The following TRIM68 variants were observed in gnomAD, a reference collection of about 807,000 sequenced individuals.
The protein encoded by TRIM68 is E3 ubiquitin-protein ligase TRIM68.
Under a neutral mutation model 41.9 loss-of-function variants are expected in TRIM68, and 36 were observed. The observed-to-expected ratio is 0.86, with a 90% CI of 0.66 to 1.14. The LOEUF (loss-of-function observed/expected upper bound fraction) is 1.14. Ranked by LOEUF, TRIM68 falls within the 50% of genes most tolerant of loss-of-function variation. The probability of loss-of-function intolerance (pLI) is 0.00; values close to 1 mark genes in which losing one functional copy is unlikely to be tolerated. For synonymous variants in TRIM68, 225 were observed against 224.6 expected (o/e 1.00, Z -0.02); for missense variants, 632 against 605.1 (o/e 1.04, Z -0.47).
rs969820493 is a variant in TRIM68, at chr11:4,601,460, A to G, written c.806+204T>C. ...ACCACATATTTTACAGCTTCACTTG[A>G]TATACATTTGATCAAGTACAAAGAA... On this transcript the variant is annotated intron_variant, in intron 5 of 6. Transcript: ENST00000300747. 9.8e-6 allele frequency: 6 copies of G among 609,470 alleles called. No individual in the cohort carries two copies. The African/African-American group carries it at 1.1e-4, about 11-fold the overall frequency. The allele number at this position is 609,470 out of a possible 1,614,324, so 37.8% of individuals were successfully genotyped here.
At chr11:4,602,466 G>A (rs1846508889) in intron 3 of TRIM68, 54 bp from the exon 4 acceptor site, 1 of 1,598,394 alleles carries the variant, frequency 6.3e-7, no homozygotes. Flanking sequence ...CCAGTATCGA[G>A]CATACTGACA....
Position 4,600,357 on chromosome 11 carries a change from C to T in TRIM68, c.1377G>A (p.Leu459=). ...FPRYPFPGRL[L]PYFSPCYSIG... is the part of the protein sequence containing the mutation. ...TGCTGTAGCAAGGACTAAAATAGGG[C>T]AGGAGGCGCCCAGGGAAGGGATAGC... Residue 459 remains leucine (L), a synonymous_variant, in exon 7 of 7, where the codon CTG becomes CTA. Transcript: ENST00000300747. 6.2e-7 allele frequency: 1 copy of T among 1,613,558 alleles called. No individual in the cohort carries two copies. The highest frequency in any genetic ancestry group is 8.5e-7 in the Non-Finnish European group (1 of 1,179,780).
intron 2 of TRIM68, 41 bp from the exon 3 acceptor site, chr11:4,603,381 C>T: frequency 6.3e-7 from 1 of 1,593,834 alleles, no homozygotes; most frequent in Non-Finnish European, 8.6e-7. Flanking sequence ...CTCCGGCAGC[C>T]TAGGCTTCCT....
chr11:4,607,367 C>A (rs1367822718), intron 1 of TRIM68, among the ~76,000 whole-genome samples: 1 of 152,070 alleles, frequency 6.6e-6, no homozygotes, highest in African/African-American at 2.4e-5. Flanking sequence ...GAGTTCCAAC[C>A]GATAGTAGAT....
intron 3 of TRIM68, among the ~76,000 whole-genome samples, chr11:4,603,041 C>A (rs1846516551): frequency 6.6e-6 from 1 of 152,140 alleles, no homozygotes; most frequent in Non-Finnish European, 1.5e-5. Flanking sequence ...AGAGGTTATC[C>A]CTACATCCCC....
At position 4,600,075 on chromosome 11, in the gene TRIM68, T is replaced by C. The variant is rs901116337; in HGVS notation, c.*201A>G. The C allele has an allele frequency of 9.2e-6, 5 of 542,674 alleles. No homozygotes were observed. Among genetic ancestry groups the C allele is most frequent in the Non-Finnish European group, 1.3e-5 (4 of 314,846 alleles). The allele number at this position is 542,674 out of a possible 1,614,324, so 33.6% of individuals were successfully genotyped here. A position where few individuals can be genotyped will look rare whatever the true frequency, so the allele number is the denominator to read the frequency against. Reference sequence around the variant, plus strand: ...TTCCCTCATGGGATGCAATGCTCATTTGACTGGGCCTCTGCTTTTTAAAAT... The same window carrying C: ...TTCCCTCATGGGATGCAATGCTCATCTGACTGGGCCTCTGCTTTTTAAAAT... On this transcript the variant is annotated 3_prime_UTR_variant, in exon 7 of 7. Transcript: ENST00000300747.
At chr11:4,603,434 C>G in intron 2 of TRIM68, 94 bp from the exon 3 acceptor site, 1 of 1,142,758 alleles carries the variant, frequency 8.8e-7, no homozygotes, top group East Asian at 2.4e-5. Flanking sequence ...TTCAGGCAAC[C>G]GGCCACAGTG....
In TRIM68 at chr11:4,600,731, G is replaced by A; in HGVS notation, c.1003C>T (p.Pro335Ser). The change falls in exon 7 of 7, where the codon CCA becomes TCA. Residue 335 changes from proline (P) to serine (S), a missense_variant. Pro to Ser is a moderately conservative substitution (Grantham distance 74, BLOSUM62 -1). Transcript: ENST00000300747. Reference protein sequence around the residue: ...VHYGDTNQKLPDNPERFYRYN... With the variant: ...VHYGDTNQKLSDNPERFYRYN... ...CGGTAAAATCTCTCAGGATTGTCTG[G>A]CAGTTTCTGGTTGGTGTCTCCATAG... is the stretch of plus-strand genomic sequence containing the variant. 1.2e-6 allele frequency: 2 copies of A among 1,614,132 alleles called. No individual in the cohort carries two copies. Among genetic ancestry groups the A allele is most frequent in the African/African-American group, 1.3e-5 (1 of 75,014 alleles).
chr11:4,603,202 C>T (rs17314159), intron 3 of TRIM68, 43 bp downstream of exon 3: 1 of 1,588,934 alleles, frequency 6.3e-7, no homozygotes, highest in East Asian at 2.2e-5. Context: ...CAGGACCACA[C>T]AGGACGACTG....
Position 4,605,275 on chromosome 11 carries a change from T to C in TRIM68, c.230A>G (p.Asn77Ser), listed in dbSNP as rs148082368. 8.4e-5 allele frequency: 135 copies of C among 1,614,134 alleles called. No homozygotes were observed. Among genetic ancestry groups the C allele is most frequent in the African/African-American group, 6.3e-4 (47 of 74,944 alleles). ...TAGCAGACGGACTTTTTCTACAACA[T>C]TGGCCAGCTGCCAATTAGGCCGCAG... ...RNLRPNWQLA[N>S]VVEKVRLLRL... The change falls in exon 2 of 7, where the codon AAT becomes AGT. Residue 77 changes from asparagine (N) to serine (S), a missense_variant. Transcript: ENST00000300747.
At chr11:4,601,574 C>G in intron 5 of TRIM68, 90 bp downstream of exon 5, 7 of 1,407,156 alleles carry the variant, frequency 5.0e-6, no homozygotes, top group Non-Finnish European at 7.0e-6. Context: ...CTGTGTGCAC[C>G]GAGTCTGTGC....
chr11:4,605,632 T>C, intron 1 of TRIM68, 71 bp from the exon 2 acceptor site: 1 of 971,274 alleles, frequency 1.0e-6, no homozygotes, highest in Non-Finnish European at 1.5e-6. Flanking sequence ...GTAACAGGAA[T>C]AATTAATTTC....
intron 1 of TRIM68, among the ~76,000 whole-genome samples, chr11:4,606,872 G>A (rs1467472827): frequency 6.6e-6 from 1 of 152,228 alleles, no homozygotes; most frequent in Non-Finnish European, 1.5e-5. Flanking sequence ...AAGCAGAGCA[G>A]TAAATCTTGC....
At chr11:4,602,896 C>G (rs1301722551) in intron 3 of TRIM68, among the ~76,000 whole-genome samples, 1 of 152,218 alleles carries the variant, frequency 6.6e-6, no homozygotes, top group Non-Finnish European at 1.5e-5. Context: ...AATAACCAGA[C>G]TCTTAGCAAA....
chr11:4,600,843 T>C lies in TRIM68; in HGVS notation c.908-17A>G, dbSNP rs1846477730. The stretch of plus-strand genomic sequence containing the variant: ...GCACATCAGCTAGAAGAAAAGGTCC[T>C]GGTTGGTAACAGTGATATAGGGCCA... On this transcript the variant is annotated splice_polypyrimidine_tract_variant and intron_variant, in intron 6 of 6. Coordinates refer to ENST00000300747, the MANE Select transcript of TRIM68 (RefSeq NM_018073.8). The C allele has an allele frequency of 1.2e-6, 2 of 1,606,006 alleles. No individual in the cohort carries two copies. Among genetic ancestry groups the C allele is most frequent in the African/African-American group, 1.3e-5 (1 of 74,778 alleles).
Position 4,608,190 on chromosome 11 carries a change from G to C in TRIM68, c.-221C>G, listed in dbSNP as rs1041048210. 2 of 152,510 alleles carry C rather than the reference G, an allele frequency of 1.3e-5. No individual in the cohort carries two copies. The highest frequency in any genetic ancestry group is 6.5e-5 in the Admixed American group (1 of 15,292). The allele number at this position is 152,510 out of a possible 1,614,324, so 9.4% of individuals were successfully genotyped here. ...CCAGAACCCAAAGCCCGGCAGCGCAGGCCCAGTAGCCCGCAGCTCCCAGAA... is the reference window on the plus strand; with the variant it reads ...CCAGAACCCAAAGCCCGGCAGCGCACGCCCAGTAGCCCGCAGCTCCCAGAA... On this transcript the variant is annotated 5_prime_UTR_variant, in exon 1 of 7. Coordinates refer to ENST00000300747, the MANE Select transcript of TRIM68 (RefSeq NM_018073.8).
rs749710496 is a variant in TRIM68 at position 4,602,327 on chromosome 11, C to T, written c.608G>A (p.Arg203Gln). 1.6e-5 allele frequency: 26 copies of T among 1,614,036 alleles called. No individual in the cohort carries two copies. The highest frequency in any genetic ancestry group is 4.4e-5 in the South Asian group (4 of 91,082). ...TGCTGCTACCTCTGCCCCCAGCTGCCGATGTGGTGGCTGCTTTTTCTCTAG... is the reference window on the plus strand; with the variant it reads ...TGCTGCTACCTCTGCCCCCAGCTGCTGATGTGGTGGCTGCTTTTTCTCTAG... ...RLLEKKQPPH[R>Q]QLGAEVAAAL... The change falls in exon 4 of 7, where the codon CGG (arginine) becomes CAG (glutamine). Residue 203 changes from arginine to glutamine, a missense_variant. By Grantham distance (43) the Arg-to-Gln change is conservative. Coordinates refer to ENST00000300747, the MANE Select transcript of TRIM68 (RefSeq NM_018073.8).
rs867439702 is a variant in TRIM68, at chr11:4,603,114, G to C, written c.522+131C>G. The C allele has an allele frequency of 1.7e-5, 15 of 868,890 alleles. No homozygotes were observed. The Middle Eastern group carries it at 1.6e-3, about 92-fold the overall frequency. The allele number at this position is 868,890 out of a possible 1,614,324, so 53.8% of individuals were successfully genotyped here. A position where few individuals can be genotyped will look rare whatever the true frequency, so the allele number is the denominator to read the frequency against. On this transcript the variant is annotated intron_variant, in intron 3 of 6. Coordinates refer to ENST00000300747, the MANE Select transcript of TRIM68 (RefSeq NM_018073.8). ...TAAGGCCTGGGACAGAGAAAGCAGG[G>C]ATTAGAACCCTAGGCTCTGTGATTT...
In TRIM68 at chr11:4,600,443, C is replaced by T; in HGVS notation, c.1291G>A (p.Ala431Thr). 5.0e-6 allele frequency: 8 copies of T among 1,613,712 alleles called. No individual in the cohort carries two copies. Among genetic ancestry groups the T allele is most frequent in the Non-Finnish European group, 6.8e-6 (8 of 1,179,834 alleles). Residue 431 changes from alanine (A) to threonine (T), a missense_variant, in exon 7 of 7, where the codon GCC becomes ACC. Ala to Thr is a moderately conservative substitution (Grantham distance 58). Coordinates refer to ENST00000300747, the MANE Select transcript of TRIM68 (RefSeq NM_018073.8). ...ACATTGTAGAAAGAAATGTCATGGGCCTCATAATCCACGAAGATTCCCACC... is the reference window on the plus strand; with the variant it reads ...ACATTGTAGAAAGAAATGTCATGGGTCTCATAATCCACGAAGATTCCCACC... ...RRVGIFVDYEAHDISFYNVTD... is the reference protein window; with the variant it reads ...RRVGIFVDYETHDISFYNVTD...
Sources: gnomAD v4.1 joint callset for allele counts (sites outside exome capture counted in the v4.1 genomes callset) on GRCh38, gnomAD v4.1.1 for gene constraint, MANE v1.5 for transcripts, NCBI Gene and HGNC (gene_info 2026-07-23, HGNC 2026-07-21) for gene names.